Variants in PPARGC1A observed in about 807,000 individuals in gnomAD.
The protein encoded by PPARGC1A is PPARG coactivator 1 alpha.
Under a neutral mutation model 88.7 loss-of-function variants are expected in PPARGC1A, and 25 were observed. That is an observed-to-expected ratio of 0.28 (90% CI 0.21 to 0.39). The LOEUF (loss-of-function observed/expected upper bound fraction) is 0.39. PPARGC1A is among the 10% of genes least tolerant of loss of function. PPARGC1A has a pLI of 1.00. For synonymous variants in PPARGC1A, 363 were observed against 355.6 expected, an observed-to-expected ratio of 1.02 and a Z score of -0.24; for missense variants, 880 against 968.7, an observed-to-expected ratio of 0.91 and a Z score of 1.22.
At chr4:24,228,850 C>T in the PPARGC1A span, among the ~76,000 whole-genome samples, 1 of 152,098 alleles carries the variant, frequency 6.6e-6, no homozygotes, top group Admixed American at 6.5e-5. Flanking sequence ...AGCCAAAGTC[C>T]ATCTTTTTGT....
the PPARGC1A span, among the ~76,000 whole-genome samples, chr4:23,933,676 C>G: frequency 6.6e-6 from 1 of 152,228 alleles, no homozygotes; most frequent in Non-Finnish European, 1.5e-5. Flanking sequence ...TTTATGAGAG[C>G]TAGCCTTGCC....
the PPARGC1A span, among the ~76,000 whole-genome samples, chr4:24,285,448 A>G: frequency 6.6e-6 from 1 of 152,160 alleles, no homozygotes; most frequent in Non-Finnish European, 1.5e-5. Context: ...GTGGGGGAAA[A>G]GCCTTCAAGA....
At chr4:24,045,344 T>A in the PPARGC1A span, among the ~76,000 whole-genome samples, 2 of 152,200 alleles carry the variant, frequency 1.3e-5, no homozygotes, top group African/African-American at 4.8e-5. Flanking sequence ...ACTTCTTGTG[T>A]TTGGTACTGT....
At chr4:24,352,153 G>A in the PPARGC1A span, among the ~76,000 whole-genome samples, 1 of 152,274 alleles carries the variant, frequency 6.6e-6, no homozygotes, top group East Asian at 1.9e-4. Context: ...GAGAGGCCAG[G>A]AGAAGCCTGG....
chr4:24,401,847 A>T, the PPARGC1A span, among the ~76,000 whole-genome samples: 1 of 152,232 alleles, frequency 6.6e-6, no homozygotes, highest in Non-Finnish European at 1.5e-5. Context: ...GGAACATAGT[A>T]AATATCAGTA....
At chr4:24,079,521 A>G in the PPARGC1A span, among the ~76,000 whole-genome samples, 1 of 152,084 alleles carries the variant, frequency 6.6e-6, no homozygotes, top group Non-Finnish European at 1.5e-5. Flanking sequence ...CCTTTTGGCT[A>G]GATTTCTCAA....
At chr4:23,908,534 C>A (rs1720341046), upstream of PPARGC1A, among the ~76,000 whole-genome samples, 2 of 151,074 alleles carry the variant, frequency 1.3e-5, no homozygotes. Context: ...AAAAAACACC[C>A]TACTTGGAAA....
rs918138072 is a variant in PPARGC1A, at chr4:23,889,338, T to C, written c.54+566A>G. ...ATCTTTCAACCACGTATAGGAGTTT[T>C]AAAGGAAGCAGCATCGTTGTTTTGT... On this transcript the variant is annotated intron_variant, in intron 1 of 12. Transcript: ENST00000264867. 2.7e-5 allele frequency: 27 copies of C among 985,238 alleles called. No individual in the cohort carries two copies. In the African/African-American group the frequency reaches 3.8e-4, roughly 14 times the overall value. The allele number at this position is 985,238 out of a possible 1,614,324, so 61.0% of individuals were successfully genotyped here.
the PPARGC1A span, among the ~76,000 whole-genome samples, chr4:24,151,875 CAAAT>C: frequency 6.6e-6 from 1 of 152,130 alleles, no homozygotes; most frequent in Non-Finnish European, 1.5e-5. Context: ...TAGGCAGAAA[CAAAT>C]AAATAATTGA....
At chr4:24,220,486 C>T in the PPARGC1A span, among the ~76,000 whole-genome samples, 23 of 152,230 alleles carry the variant, frequency 1.5e-4, no homozygotes, top group African/African-American at 3.1e-4. Flanking sequence ...TACCCATCAA[C>T]GGTGGATTGG....
chr4:24,261,407 T>TCCTCCTGC, the PPARGC1A span, among the ~76,000 whole-genome samples: 1 of 152,128 alleles, frequency 6.6e-6, no homozygotes. Flanking sequence ...CTTCTCCTCC[T>TCCTCCTGC]CCTCCTGCGT....
intron 2 of PPARGC1A, among the ~76,000 whole-genome samples, chr4:23,865,202 A>G (rs1048646456): frequency 2.0e-5 from 3 of 152,170 alleles, no homozygotes; most frequent in Non-Finnish European, 2.9e-5. Context: ...AGAAAGAGTC[A>G]CAGCTTGATC....
At chr4:24,066,853 T>G in the PPARGC1A span, among the ~76,000 whole-genome samples, 1 of 79,768 alleles carries the variant, frequency 1.3e-5, no homozygotes, top group Non-Finnish European at 2.6e-5. Flanking sequence ...TTTTGGGTTT[T>G]TTTTTTTTTT....
At chr4:24,096,613 C>G in the PPARGC1A span, among the ~76,000 whole-genome samples, 24 of 152,320 alleles carry the variant, frequency 1.6e-4, no homozygotes, top group Admixed American at 1.4e-3. Flanking sequence ...AAAACTTTTA[C>G]TCTACCATTT....
Position 23,811,889 on chromosome 4 carries a change from C to CTTTTTTTTT in PPARGC1A, c.2019+849_2019+857dup, listed in dbSNP as rs71196134. 1.5e-4 allele frequency among the ~76,000 whole-genome samples: 9 copies of CTTTTTTTTT among 59,086 alleles called. 1 individual carries two copies. Among genetic ancestry groups the CTTTTTTTTT allele is most frequent in the Admixed American group, 2.2e-4 (1 of 4,614 alleles). 38.8% of individuals were successfully genotyped at this position (59,086 alleles called of 152,430 possible). ...GACGACCATCACGCAGAAGAAATGA[C>CTTTTTTTTT]TTTTTTTTTTTTTTTTTTTTTTTTT... On this transcript the variant is annotated intron_variant, in intron 10 of 12. Transcript: ENST00000264867.
chr4:23,918,382 C>G, the PPARGC1A span, among the ~76,000 whole-genome samples: 1 of 151,842 alleles, frequency 6.6e-6, no homozygotes, highest in Non-Finnish European at 1.5e-5. Context: ...CCGTCATGCC[C>G]AGCTAATTTT....
chr4:24,299,977 C>T, the PPARGC1A span, among the ~76,000 whole-genome samples: 4 of 152,142 alleles, frequency 2.6e-5, no homozygotes, highest in African/African-American at 9.7e-5. Context: ...TTGTGATGTG[C>T]AAATTAAACA....
the PPARGC1A span, among the ~76,000 whole-genome samples, chr4:24,326,309 G>A: frequency 1.3e-5 from 2 of 151,968 alleles, no homozygotes; most frequent in Non-Finnish European, 2.9e-5. Flanking sequence ...CATTTTACCT[G>A]TCTTAAAACC....
chr4:24,398,060 T>C, the PPARGC1A span, among the ~76,000 whole-genome samples: 7 of 152,226 alleles, frequency 4.6e-5, no homozygotes, highest in African/African-American at 1.2e-4. Context: ...TAGCCGCTTC[T>C]GTCAAGATGC....
Sources: gnomAD v4.1 joint callset for allele counts (sites outside exome capture counted in the v4.1 genomes callset) on GRCh38, gnomAD v4.1.1 for gene constraint, MANE v1.5 for transcripts, NCBI Gene and HGNC (gene_info 2026-07-23, HGNC 2026-07-21) for gene names.